The following ZNF674 variants were observed in gnomAD, a reference collection of about 807,000 sequenced individuals.
The protein encoded by ZNF674 is zinc finger family member 674.
ZNF674 carries 2 observed loss-of-function variants against 7.0 expected under a neutral mutation model. That is an observed-to-expected ratio of 0.29 (90% CI 0.12 to 0.90). ZNF674 has a LOEUF of 0.90. ZNF674 is among the 40% of genes least tolerant of loss of function. ZNF674 has a pLI of 0.57. For synonymous variants in ZNF674, 103 were observed against 145.2 expected (o/e 0.71, Z 2.09); for missense variants, 297 against 415.5 (o/e 0.71, Z 2.48).
At chrX:46,531,994 G>A (rs1253886259) in intron 3 of ZNF674, among the ~76,000 whole-genome samples, 2 of 110,916 alleles carry the variant, frequency 1.8e-5, no homozygotes, top group Non-Finnish European at 3.8e-5. Context: ...ATGAAACTCC[G>A]TCTTTACTAA....
chrX:46,524,012 A>C lies in ZNF674; in HGVS notation c.238+4338T>G, dbSNP rs1471681394. On this transcript the variant is annotated intron_variant, in intron 5 of 5. Transcript: ENST00000683375. Reference sequence around the variant, plus strand: ...AGCCGAGATCGTGCCATTGCACTCCAGCCTGGGCGACAAGAGCAAAACTCC... The same window carrying C: ...AGCCGAGATCGTGCCATTGCACTCCCGCCTGGGCGACAAGAGCAAAACTCC... Among the ~76,000 whole-genome samples the C allele has an allele frequency of 1.3e-4, 14 of 109,438 alleles. No individual in the cohort carries two copies. The East Asian group carries it at 4.1e-3, about 32-fold the overall frequency.
intron 5 of ZNF674, 56 bp from the exon 6 acceptor site, chrX:46,501,391 T>C: frequency 1.8e-6 from 2 of 1,113,355 alleles, no homozygotes; most frequent in Non-Finnish European, 2.4e-6. Context: ...ATTTATGAAA[T>C]AACTAATCCC....
intron 5 of ZNF674, among the ~76,000 whole-genome samples, chrX:46,501,630 TTA>T (rs531715180): frequency 1.9e-5 from 2 of 105,273 alleles, no homozygotes; most frequent in Admixed American, 1.1e-4. Context: ...GGCTTAAAGC[TTA>T]TATATATATA....
At chrX:46,527,376 C>T (rs1267344258) in intron 5 of ZNF674, among the ~76,000 whole-genome samples, 1 of 110,881 alleles carries the variant, frequency 9.0e-6, no homozygotes, top group African/African-American at 3.3e-5. Context: ...AATAAGGGCT[C>T]AACAATATTC....
At chrX:46,512,449 C>CA (rs967508821) in intron 5 of ZNF674, among the ~76,000 whole-genome samples, 8 of 108,634 alleles carry the variant, frequency 7.4e-5, no homozygotes, top group African/African-American at 2.3e-4. Flanking sequence ...CTCAGCCCCC[C>CA]AAAAAAAATA....
intron 5 of ZNF674, among the ~76,000 whole-genome samples, chrX:46,512,432 T>G (rs927078072): frequency 7.3e-5 from 8 of 109,653 alleles, no homozygotes; most frequent in Non-Finnish European, 1.3e-4. Context: ...AAAAATATTT[T>G]TATGTGCTCA....
chrX:46,515,134 C>A (rs1370619041), intron 5 of ZNF674, among the ~76,000 whole-genome samples: 3 of 110,979 alleles, frequency 2.7e-5, no homozygotes, highest in Non-Finnish European at 5.7e-5. Flanking sequence ...TCTGGGAGGC[C>A]TAAGTGGGCG....
At position 46,510,481 on chromosome X, in the gene ZNF674, T is replaced by C. The variant is rs908475097; in HGVS notation, c.239-9146A>G. Among the ~76,000 whole-genome samples, 7 of 111,272 alleles carry C rather than the reference T, an allele frequency of 6.3e-5. No homozygotes were observed. In the East Asian group the frequency reaches 2.0e-3, roughly 31 times the overall value. ...GCATTCAAGAAAATACAACACTCAT[T>C]AGTGATTTTTTAAAAAGTCTTATTA... On this transcript the variant is annotated intron_variant, in intron 5 of 5. Coordinates refer to ENST00000683375, the MANE Select transcript of ZNF674 (RefSeq NM_001190417.2).
intron 5 of ZNF674, among the ~76,000 whole-genome samples, chrX:46,519,254 AT>A (rs1569476278): frequency 8.5e-4 from 64 of 75,428 alleles, no homozygotes; most frequent in African/African-American, 2.1e-3. Flanking sequence ...AGATAGATAG[AT>A]AGATAGATAA....
At chrX:46,518,657 C>T (rs1416324146) in intron 5 of ZNF674, among the ~76,000 whole-genome samples, 5 of 104,314 alleles carry the variant, frequency 4.8e-5, no homozygotes, top group African/African-American at 7.1e-5. Flanking sequence ...GGGCGGATCA[C>T]GAGGTCAGGA....
intron 5 of ZNF674, among the ~76,000 whole-genome samples, chrX:46,516,701 G>A (rs67952670): frequency 0.038 from 4,239 of 112,477 alleles, 204 homozygotes; most frequent in African/African-American, 0.13. Flanking sequence ...TGATAAAGAT[G>A]AAAAGCAATA....
intron 3 of ZNF674, chrX:46,529,674 A>T (rs1942075298): frequency 9.1e-6 from 1 of 109,413 alleles, no homozygotes; most frequent in Non-Finnish European, 1.9e-5. Flanking sequence ...ATCTCAAAAA[A>T]AAAAAAAAAA....
chrX:46,512,000 G>GTCT (rs1941662930), intron 5 of ZNF674, among the ~76,000 whole-genome samples: 1 of 105,278 alleles, frequency 9.5e-6, no homozygotes, highest in Admixed American at 1.0e-4. Context: ...TCCAGCCTGG[G>GTCT]CAACAAGAGT....
intron 5 of ZNF674, among the ~76,000 whole-genome samples, chrX:46,508,052 TAA>T (rs1043408221): frequency 9.6e-5 from 8 of 83,475 alleles, no homozygotes; most frequent in African/African-American, 3.0e-4. Context: ...TTAATAAAAC[TAA>T]GAGTTTTTTT....
At chrX:46,516,603 T>C (rs554465264) in intron 5 of ZNF674, among the ~76,000 whole-genome samples, 57 of 112,475 alleles carry the variant, frequency 5.1e-4, no homozygotes, top group Middle Eastern at 9.2e-3. Flanking sequence ...AAATGGCACA[T>C]GCACACGACA....
At chrX:46,535,406 C>T (rs1160967877) in intron 3 of ZNF674, among the ~76,000 whole-genome samples, 4 of 111,480 alleles carry the variant, frequency 3.6e-5, no homozygotes, top group Non-Finnish European at 5.6e-5. Flanking sequence ...CTCAGCCTTC[C>T]AAGTGCTGGG....
At chrX:46,534,395 G>A (rs1177981634) in intron 3 of ZNF674, among the ~76,000 whole-genome samples, 1 of 111,489 alleles carries the variant, frequency 9.0e-6, no homozygotes, top group Non-Finnish European at 1.9e-5. Context: ...AGGCCGGAGT[G>A]CAGTGGTGAG....
intron 5 of ZNF674, among the ~76,000 whole-genome samples, chrX:46,517,017 GAAAA>G (rs1941779637): frequency 9.3e-6 from 1 of 107,309 alleles, no homozygotes; most frequent in South Asian, 4.0e-4. Context: ...AAAAAAAAAA[GAAAA>G]AGAAAAAAGA....
At chrX:46,534,174 C>T (rs767137994) in intron 3 of ZNF674, among the ~76,000 whole-genome samples, 1 of 109,843 alleles carries the variant, frequency 9.1e-6, no homozygotes, top group African/African-American at 3.3e-5. Flanking sequence ...TGGGGGAAAC[C>T]GCCCCCATGA....
Sources: gnomAD v4.1 joint callset for allele counts (sites outside exome capture counted in the v4.1 genomes callset) on GRCh38, gnomAD v4.1.1 for gene constraint, MANE v1.5 for transcripts, NCBI Gene and HGNC (gene_info 2026-07-23, HGNC 2026-07-21) for gene names.